RUFY1: variants seen among roughly 807,000 people sequenced by gnomAD.
The protein encoded by RUFY1 is RUN and FYVE domain-containing protein 1.
In RUFY1, 54 loss-of-function variants were observed where a neutral mutation model predicts 94.6. The observed-to-expected ratio is 0.57, with a 90% CI of 0.46 to 0.72. The LOEUF (loss-of-function observed/expected upper bound fraction) is 0.72, where lower values mean the gene tolerates loss of function less well. Among genes scored for constraint, RUFY1 ranks in the 30% least tolerant of loss-of-function variants. The pLI is 0.00. For synonymous variants in RUFY1, 396 were observed against 347.3 expected (o/e 1.14, Z -1.56); for missense variants, 883 against 883.9 (o/e 1.00, Z 0.01).
At position 179,562,610 on chromosome 5, in the gene RUFY1, T is replaced by G; in HGVS notation, c.548T>G (p.Leu183Arg). ...GGTCCTTTGGAGCTGGTGGAGAAAC[T>G]TTGTCCAGAAGCATCAGATATAGCG... ...FFGPLELVEK[L>R]CPEASDIATS... Residue 183 changes from leucine (L) to arginine (R), a missense_variant, in exon 3 of 18, where the codon CTT becomes CGT. By Grantham distance (102) the Leu-to-Arg change is moderately radical. Coordinates refer to ENST00000319449, the MANE Select transcript of RUFY1 (RefSeq NM_025158.5). 3 of 1,612,228 alleles carry G rather than the reference T, an allele frequency of 1.9e-6. No homozygotes were observed. Among genetic ancestry groups the G allele is most frequent in the Non-Finnish European group, 2.5e-6 (3 of 1,178,272 alleles).
chr5:179,575,031 C>T (rs1763514137), intron 5 of RUFY1, among the ~76,000 whole-genome samples: 1 of 120,146 alleles, frequency 8.3e-6, no homozygotes, highest in South Asian at 3.2e-4. Flanking sequence ...TCTTCTCACC[C>T]CACCCCCCGC....
chr5:179,608,335 C>A, intron 17 of RUFY1: 5 of 985,798 alleles, frequency 5.1e-6, no homozygotes, highest in Non-Finnish European at 6.0e-6. Context: ...CGCTCCCCAA[C>A]CCGAGTTTCA....
chr5:179,596,851 G>A, intron 13 of RUFY1, 170 bp downstream of exon 13: 3 of 878,730 alleles, frequency 3.4e-6, no homozygotes, highest in Non-Finnish European at 4.9e-6. Context: ...TATCCCTAGG[G>A]AGCTCCCTCC....
At chr5:179,568,966 A>G (rs1763027778) in intron 4 of RUFY1, 1 of 869,754 alleles carries the variant, frequency 1.1e-6, no homozygotes, top group South Asian at 5.3e-5. Context: ...TGGAGAAGTA[A>G]TTCATATCAA....
At chr5:179,595,007 C>A in intron 12 of RUFY1, 44 bp downstream of exon 12, 1 of 1,373,328 alleles carries the variant, frequency 7.3e-7, no homozygotes, top group Non-Finnish European at 1.0e-6. Context: ...AGGCTCTGAG[C>A]ATTCCCTGGG....
intron 7 of RUFY1, 52 bp downstream of exon 7, chr5:179,581,064 A>G (rs747137111): frequency 5.2e-6 from 6 of 1,152,910 alleles, no homozygotes; most frequent in Middle Eastern, 2.0e-4. Context: ...GTATCCTGTC[A>G]TTGCTTCATG....
chr5:179,554,234 CTTG>C (rs1283415067), intron 1 of RUFY1, among the ~76,000 whole-genome samples: 1 of 152,186 alleles, frequency 6.6e-6, no homozygotes, highest in Non-Finnish European at 1.5e-5. Context: ...ATTTTGAATA[CTTG>C]TTTTAAAATG....
chr5:179,559,815 A>C, intron 1 of RUFY1: 1 of 1,328,362 alleles, frequency 7.5e-7, no homozygotes, highest in Non-Finnish European at 9.6e-7. Flanking sequence ...GGCTCTTCTG[A>C]CCCAAGGCCC....
At chr5:179,591,436 G>T (rs370384730) in intron 9 of RUFY1, among the ~76,000 whole-genome samples, 189 bp from the exon 10 acceptor site, 3 of 152,002 alleles carry the variant, frequency 2.0e-5, no homozygotes, top group African/African-American at 7.2e-5. Context: ...CGCCCGCCTC[G>T]GCCTCCCAAA....
intron 8 of RUFY1, among the ~76,000 whole-genome samples, chr5:179,587,172 A>C (rs1215964404): frequency 1.3e-5 from 2 of 150,410 alleles, no homozygotes; most frequent in Admixed American, 1.3e-4. Flanking sequence ...TCCTGCCTCA[A>C]CCTCCCAGTA....
chr5:179,561,821 T>C (rs1166851105), intron 2 of RUFY1, among the ~76,000 whole-genome samples: 4 of 150,222 alleles, frequency 2.7e-5, no homozygotes, highest in African/African-American at 9.8e-5. Context: ...TAGCTGGGAC[T>C]ACAGACGCCC....
intron 6 of RUFY1, 134 bp downstream of exon 6, chr5:179,577,270 C>G: frequency 1.8e-6 from 1 of 563,688 alleles, no homozygotes; most frequent in Non-Finnish European, 3.1e-6. Flanking sequence ...CTCCCGGGTT[C>G]AAGCGATTCT....
chr5:179,604,321 G>A (rs1766798886), intron 15 of RUFY1, among the ~76,000 whole-genome samples: 1 of 152,194 alleles, frequency 6.6e-6, no homozygotes, highest in South Asian at 2.1e-4. Context: ...CCCTACATTA[G>A]CTACAGGAAC....
Position 179,568,758 on chromosome 5 carries a change from A to T in RUFY1, c.705-544A>T, listed in dbSNP as rs181573715. ...TACGCACACACACACAGTGGCCTGG[A>T]TGCCACTGGATTTGGTACATTAGCA... On this transcript the variant is annotated intron_variant, in intron 4 of 17. Coordinates refer to ENST00000319449, the MANE Select transcript of RUFY1 (RefSeq NM_025158.5). Among the ~76,000 whole-genome samples, 9 of 152,332 alleles carry T rather than the reference A, an allele frequency of 5.9e-5. No individual in the cohort carries two copies. In the East Asian group the frequency reaches 1.7e-3, roughly 29 times the overall value.
At chr5:179,573,275 C>T (rs1763355104) in intron 5 of RUFY1, among the ~76,000 whole-genome samples, 1 of 152,064 alleles carries the variant, frequency 6.6e-6, no homozygotes, top group African/African-American at 2.4e-5. Context: ...TTGTCAAATT[C>T]CAGAATAAAA....
chr5:179,585,798 G>A lies in RUFY1; in HGVS notation c.959G>A (p.Cys320Tyr), dbSNP rs1478912646. 2 of 1,608,358 alleles carry A rather than the reference G, an allele frequency of 1.2e-6. No homozygotes were observed. The highest frequency in any genetic ancestry group is 1.7e-6 in the Non-Finnish European group (2 of 1,174,794). The part of the protein sequence containing the change: ...YVEELNRHLS[C>Y]TVGDLQTKID... ...CTTAATATTCTTATTTTCTACAGCT[G>A]CACAGTTGGGGATCTTCAAACCAAG... Residue 320 changes from cysteine to tyrosine, a missense_variant and splice_region_variant, in exon 8 of 18, where the codon TGC (cysteine) becomes TAC (tyrosine). Cys to Tyr is a radical substitution (Grantham distance 194). Coordinates refer to ENST00000319449, the MANE Select transcript of RUFY1 (RefSeq NM_025158.5).
chr5:179,590,392 A>C (rs906292048), intron 9 of RUFY1, among the ~76,000 whole-genome samples: 1 of 151,986 alleles, frequency 6.6e-6, no homozygotes, highest in Non-Finnish European at 1.5e-5. Context: ...TGACTTCTAA[A>C]TTCACTCAGT....
chr5:179,607,790 G>C, intron 17 of RUFY1, 131 bp downstream of exon 17: 1 of 752,086 alleles, frequency 1.3e-6, no homozygotes, highest in South Asian at 1.7e-5. Context: ...TGGCAGATGG[G>C]CAGCCCCGCC....
At position 179,587,120 on chromosome 5, in the gene RUFY1, C is replaced by G. The variant is rs562940842; in HGVS notation, c.1026+1255C>G. Among the ~76,000 whole-genome samples, 10 of 151,206 alleles carry G rather than the reference C, an allele frequency of 6.6e-5. No individual in the cohort carries two copies. The East Asian group carries it at 1.6e-3, about 24-fold the overall frequency. ...CCAGGCTGGAGTGCAGTGGCGCAGT[C>G]ATAGCTTACTGTAACCTCAGACTTC... On this transcript the variant is annotated intron_variant, in intron 8 of 17. Coordinates refer to ENST00000319449, the MANE Select transcript of RUFY1 (RefSeq NM_025158.5).
Sources: gnomAD v4.1 joint callset for allele counts (sites outside exome capture counted in the v4.1 genomes callset) on GRCh38, gnomAD v4.1.1 for gene constraint, MANE v1.5 for transcripts, NCBI Gene and HGNC (gene_info 2026-07-23, HGNC 2026-07-21) for gene names.